CCNY: variants seen among roughly 807,000 people sequenced by gnomAD.
CCNY encodes the protein cyclin-Y.
CCNY carries 19 observed loss-of-function variants against 42.8 expected under a neutral mutation model. The ratio of observed to expected loss-of-function variants is 0.44; its 90% CI spans 0.31 to 0.65. The LOEUF (loss-of-function observed/expected upper bound fraction) is 0.65. Among genes scored for constraint, CCNY ranks in the 30% least tolerant of loss-of-function variants. CCNY has a pLI of 0.07. For missense variants in CCNY, 370 were observed against 437.3 expected (o/e 0.85, Z 1.37); for synonymous variants, 165 against 162.7 (o/e 1.01, Z -0.11).
At chr10:35,387,746 A>G (rs1837328961) in intron 1 of CCNY, among the ~76,000 whole-genome samples, 2 of 152,206 alleles carry the variant, frequency 1.3e-5, no homozygotes, top group Admixed American at 1.3e-4. Context: ...TTTAGTAGTT[A>G]ATGTATAGCA....
chr10:35,381,597 A>C (rs979964675), intron 1 of CCNY, among the ~76,000 whole-genome samples: 1 of 151,918 alleles, frequency 6.6e-6, no homozygotes, highest in Non-Finnish European at 1.5e-5. Flanking sequence ...TACTGTATGC[A>C]ACATGGAGGT....
At chr10:35,340,062 A>G (rs189116260) in intron 1 of CCNY, among the ~76,000 whole-genome samples, 8 of 152,318 alleles carry the variant, frequency 5.3e-5, no homozygotes, top group African/African-American at 1.7e-4. Flanking sequence ...TGCCGCTCTA[A>G]GTACTTGGAT....
At chr10:35,362,780 T>C (rs1462851019) in intron 1 of CCNY, among the ~76,000 whole-genome samples, 4 of 144,620 alleles carry the variant, frequency 2.8e-5, no homozygotes, top group Admixed American at 6.8e-5. Context: ...TCCCAGAGGG[T>C]GTGGGGGCCG....
chr10:35,251,549 C>G (rs2095712061), intron 3 of CCNY, among the ~76,000 whole-genome samples: 1 of 150,050 alleles, frequency 6.7e-6, no homozygotes, highest in Non-Finnish European at 1.5e-5. Context: ...AGACTTCATA[C>G]TTAACCAAAC....
intron 1 of CCNY, among the ~76,000 whole-genome samples, chr10:35,389,768 C>T (rs940200657): frequency 6.6e-6 from 1 of 152,124 alleles, no homozygotes; most frequent in Non-Finnish European, 1.5e-5. Context: ...AGTGAGAACT[C>T]AAAAACCCTT....
At chr10:35,386,168 G>A (rs1402374052) in intron 1 of CCNY, among the ~76,000 whole-genome samples, 1 of 152,144 alleles carries the variant, frequency 6.6e-6, no homozygotes, top group African/African-American at 2.4e-5. Context: ...ACTTGGGGCC[G>A]GCTTGTTGAG....
At chr10:35,290,624 T>C (rs1835403114) in intron 3 of CCNY, among the ~76,000 whole-genome samples, 2 of 152,198 alleles carry the variant, frequency 1.3e-5, no homozygotes, top group African/African-American at 4.8e-5. Context: ...TGGTTTTTAG[T>C]ATGTTTTCAG....
intron 1 of CCNY, among the ~76,000 whole-genome samples, chr10:35,462,862 G>C (rs1839185943): frequency 6.6e-6 from 1 of 152,270 alleles, no homozygotes; most frequent in Non-Finnish European, 1.5e-5. Flanking sequence ...CTGCTGTGCT[G>C]TGAGGAAGGC....
At position 35,526,004 on chromosome 10, in the gene CCNY, G is replaced by A; in HGVS notation, c.401+5G>A. ...ATATTATCACATCAAAAACAGGTAT[G>A]TGGATGGTTGTGTGCTAAAAACATC... On this transcript the variant is annotated splice_donor_5th_base_variant and intron_variant, in intron 5 of 9. Transcript: ENST00000374704. The A allele has an allele frequency of 6.2e-7, 1 of 1,609,086 alleles. No individual in the cohort carries two copies. The highest frequency in any genetic ancestry group is 8.5e-7 in the Non-Finnish European group (1 of 1,177,764).
intron 3 of CCNY, among the ~76,000 whole-genome samples, chr10:35,308,080 G>A (rs1003399508): frequency 1.3e-5 from 2 of 150,958 alleles, no homozygotes; most frequent in African/African-American, 4.9e-5. Flanking sequence ...GCCTCCCAAA[G>A]TGCTGGGATT....
intron 1 of CCNY, among the ~76,000 whole-genome samples, chr10:35,436,308 C>T (rs1219806934): frequency 6.6e-6 from 1 of 152,212 alleles, no homozygotes; most frequent in Admixed American, 6.5e-5. Flanking sequence ...GGTCCCCCAC[C>T]CCTCAGCAGG....
intron 3 of CCNY, among the ~76,000 whole-genome samples, chr10:35,317,173 T>C (rs1398085640): frequency 6.6e-6 from 1 of 152,140 alleles, no homozygotes; most frequent in Admixed American, 6.6e-5. Context: ...TTATTTTTTA[T>C]AGAGATAGGG....
intron 1 of CCNY, among the ~76,000 whole-genome samples, chr10:35,429,285 C>T (rs1234489596): frequency 6.6e-6 from 1 of 152,172 alleles, no homozygotes; most frequent in African/African-American, 2.4e-5. Flanking sequence ...ATCATCTCAC[C>T]AGTTTTTGTT....
chr10:35,286,011 C>T (rs1835350914), intron 3 of CCNY, among the ~76,000 whole-genome samples: 2 of 151,442 alleles, frequency 1.3e-5, no homozygotes, highest in Admixed American at 1.3e-4. Flanking sequence ...AGGGTTTCTC[C>T]ATGTTGGTCA....
chr10:35,488,417 G>A (rs563412295), intron 2 of CCNY, among the ~76,000 whole-genome samples: 2 of 152,108 alleles, frequency 1.3e-5, no homozygotes, highest in East Asian at 1.9e-4. Flanking sequence ...GCTTTCCTCC[G>A]AGCGCTGCCA....
intron 7 of CCNY, among the ~76,000 whole-genome samples, chr10:35,544,207 C>T (rs1841065003): frequency 6.6e-6 from 1 of 152,232 alleles, no homozygotes; most frequent in African/African-American, 2.4e-5. Context: ...TCACCACTCA[C>T]TCACTTATCC....
intron 2 of CCNY, among the ~76,000 whole-genome samples, chr10:35,487,664 A>G (rs1265571155): frequency 1.3e-5 from 2 of 152,096 alleles, no homozygotes; most frequent in African/African-American, 2.4e-5. Flanking sequence ...AGGAACTCCA[A>G]CAAAACTGGT....
chr10:35,356,670 T>A (rs1836557124), intron 1 of CCNY, among the ~76,000 whole-genome samples: 1 of 152,184 alleles, frequency 6.6e-6, no homozygotes, highest in Non-Finnish European at 1.5e-5. Flanking sequence ...TGCTGCTACT[T>A]ACATTGAGAA....
At chr10:35,458,672 G>A (rs1450070031) in intron 1 of CCNY, among the ~76,000 whole-genome samples, 1 of 152,168 alleles carries the variant, frequency 6.6e-6, no homozygotes, top group Non-Finnish European at 1.5e-5. Flanking sequence ...CTTACCTTCC[G>A]CATCTGTAGC....
Sources: allele counts gnomAD v4.1 joint callset (sites outside exome capture counted in the v4.1 genomes callset), GRCh38; gene constraint gnomAD v4.1.1; transcripts MANE v1.5; gene names NCBI Gene and HGNC (gene_info 2026-07-23, HGNC 2026-07-21).